Variants in CLEC18A observed in about 807,000 individuals in gnomAD.
CLEC18A encodes C-type lectin domain family 18 member A.
A neutral mutation model predicts 24.0 loss-of-function variants in CLEC18A; 5 were observed. The ratio of observed to expected loss-of-function variants is 0.21; its 90% CI spans 0.11 to 0.44. CLEC18A has a LOEUF of 0.44. Among genes scored for constraint, CLEC18A ranks in the 20% least tolerant of loss-of-function variants. CLEC18A has a pLI of 0.99. For synonymous variants in CLEC18A, 29 were observed against 100.1 expected (o/e 0.29, Z 4.24); for missense variants, 83 against 233.4 (o/e 0.36, Z 4.20).
intron 2 of CLEC18A, chr16:69,952,534 C>T (rs3869409): frequency 0.29 from 43,803 of 148,940 alleles, 4,641 homozygotes; most frequent in East Asian, 0.62. Context: ...GGCTTCTGTG[C>T]GGCAAGGACC....
chr16:69,948,379 T>TTTG (rs1208757009), upstream of CLEC18A, among the ~76,000 whole-genome samples: 3 of 138,124 alleles, frequency 2.2e-5, no homozygotes, highest in South Asian at 2.4e-4. Flanking sequence ...TAAATGTTTT[T>TTTG]TTTGTTTGTT....
the CLEC18A span, among the ~76,000 whole-genome samples, chr16:69,944,309 G>A: frequency 1.9e-4 from 29 of 151,284 alleles, no homozygotes; most frequent in South Asian, 6.1e-3. Context: ...GGGAGCTTGG[G>A]TGGTCTCATC....
intron 3 of CLEC18A, among the ~76,000 whole-genome samples, chr16:69,955,095 G>A (rs1293299483): frequency 3.3e-5 from 5 of 152,156 alleles, no homozygotes; most frequent in Non-Finnish European, 7.4e-5. Context: ...CCGTCTCCTA[G>A]ATTCAAGCGA....
chr16:69,948,460 A>T (rs1037945370), upstream of CLEC18A, among the ~76,000 whole-genome samples: 11 of 151,566 alleles, frequency 7.3e-5, no homozygotes, highest in African/African-American at 2.7e-4. Flanking sequence ...TCAGGAAGAG[A>T]TAAAATGACT....
At chr16:69,946,253 G>A (rs1440377974), upstream of CLEC18A, among the ~76,000 whole-genome samples, 4 of 134,788 alleles carry the variant, frequency 3.0e-5, no homozygotes, top group East Asian at 2.0e-4. Context: ...CAGCCTGGAC[G>A]ACAGAGCAAG....
At chr16:69,954,909 A>C (rs55862211) in intron 3 of CLEC18A, among the ~76,000 whole-genome samples, 55,508 of 150,138 alleles carry the variant, frequency 0.37, 8,012 homozygotes, top group Non-Finnish European at 0.4. Context: ...CATGTTGGCC[A>C]GGTTGGTCTT....
chr16:69,943,992 G>A, the CLEC18A span, among the ~76,000 whole-genome samples: 1 of 133,734 alleles, frequency 7.5e-6, no homozygotes, highest in Non-Finnish European at 1.8e-5. Flanking sequence ...CGTAAGCCTT[G>A]AAGAGCTAAG....
chr16:69,945,407 G>T, the CLEC18A span, among the ~76,000 whole-genome samples: 1 of 152,238 alleles, frequency 6.6e-6, no homozygotes, highest in Non-Finnish European at 1.5e-5. Flanking sequence ...TTCATAGCAA[G>T]TTTTGAAATC....
intron 2 of CLEC18A, chr16:69,953,198 G>C (rs2058979377): frequency 6.6e-6 from 1 of 152,442 alleles, no homozygotes; most frequent in African/African-American, 2.4e-5. Flanking sequence ...CGGGCCTCTA[G>C]GGCTCCAGGG....
At chr16:69,964,760 C>T (rs1349824454), downstream of CLEC18A, among the ~76,000 whole-genome samples, 2 of 151,766 alleles carry the variant, frequency 1.3e-5, no homozygotes, top group South Asian at 2.1e-4. Flanking sequence ...GCCTCGGCCT[C>T]CCAAAGTGCT....
At chr16:69,954,736 T>C (rs773506338) in intron 3 of CLEC18A, 163 bp downstream of exon 3, 83 of 979,524 alleles carry the variant, frequency 8.5e-5, no homozygotes, top group Non-Finnish European at 1.0e-4. Flanking sequence ...CTTGCTCTGT[T>C]GCCCAGGCTA....
At chr16:69,955,485 G>A (rs2059022196) in intron 3 of CLEC18A, among the ~76,000 whole-genome samples, 1 of 151,328 alleles carries the variant, frequency 6.6e-6, no homozygotes, top group African/African-American at 2.4e-5. Flanking sequence ...CAAGTAGCTG[G>A]GACTACAGGC....
upstream of CLEC18A, among the ~76,000 whole-genome samples, chr16:69,945,801 T>G (rs2152007819): frequency 6.6e-6 from 1 of 152,304 alleles, no homozygotes; most frequent in African/African-American, 2.4e-5. Context: ...CTACTAAAAA[T>G]ACAAAAATTG....
chr16:69,943,945 A>G, the CLEC18A span, among the ~76,000 whole-genome samples: 1 of 134,374 alleles, frequency 7.4e-6, no homozygotes, highest in Non-Finnish European at 1.7e-5. Flanking sequence ...TCTGGCATCC[A>G]GACCTCCCCA....
chr16:69,954,716 G>A (rs1039122950), intron 3 of CLEC18A, 143 bp downstream of exon 3: 3 of 1,424,460 alleles, frequency 2.1e-6, no homozygotes, highest in Non-Finnish European at 2.8e-6. Flanking sequence ...TTTTTTTTTT[G>A]ATACGGAGTC....
upstream of CLEC18A, among the ~76,000 whole-genome samples, chr16:69,949,968 AAAAAAT>A (rs199888154): frequency 0.012 from 1,683 of 134,804 alleles, 10 homozygotes; most frequent in African/African-American, 0.041. Context: ...GAAACTGTCT[AAAAAAT>A]AAAAATAAAA....
At chr16:69,965,211 G>GC (rs1450538961), downstream of CLEC18A, among the ~76,000 whole-genome samples, 2 of 151,878 alleles carry the variant, frequency 1.3e-5, no homozygotes, top group Non-Finnish European at 2.9e-5. Context: ...TCACACAGAT[G>GC]CCCCCAGCTC....
At chr16:69,947,246 T>TC (rs1186473780), upstream of CLEC18A, among the ~76,000 whole-genome samples, 1 of 99,228 alleles carries the variant, frequency 1.0e-5, no homozygotes, top group Non-Finnish European at 2.0e-5. Context: ...AGCCGCCTTC[T>TC]CCCTATGTCT....
At chr16:69,947,072 C>T (rs933258525), upstream of CLEC18A, among the ~76,000 whole-genome samples, 46 of 78,672 alleles carry the variant, frequency 5.8e-4, 1 homozygote, top group Admixed American at 5.5e-3. Context: ...GTACGTTTTG[C>T]GTAAGGGCTG....
Sources: gnomAD v4.1 joint callset for allele counts (sites outside exome capture counted in the v4.1 genomes callset) on GRCh38, gnomAD v4.1.1 for gene constraint, MANE v1.5 for transcripts, NCBI Gene and HGNC (gene_info 2026-07-23, HGNC 2026-07-21) for gene names.